Variants in CSGALNACT1 observed in about 807,000 individuals in gnomAD.
The protein encoded by CSGALNACT1 is beta4GalNAcT-1.
A neutral mutation model predicts 51.0 loss-of-function variants in CSGALNACT1; 52 were observed. The ratio of observed to expected loss-of-function variants is 1.02; its 90% CI spans 0.82 to 1.29. The LOEUF (loss-of-function observed/expected upper bound fraction) is 1.29. Among genes scored for constraint, CSGALNACT1 ranks in the 50% most tolerant of loss-of-function variants. The pLI is 0.00. For synonymous variants in CSGALNACT1, 341 were observed against 254.4 expected (o/e 1.34, Z -3.24); for missense variants, 935 against 679.2 (o/e 1.38, Z -4.19).
chr8:19,691,646 C>G (rs1484387901), intron 1 of CSGALNACT1, among the ~76,000 whole-genome samples: 1 of 152,170 alleles, frequency 6.6e-6, no homozygotes, highest in Non-Finnish European at 1.5e-5. Flanking sequence ...ACAGCTGACC[C>G]AAGCCATGAC....
intron 4 of CSGALNACT1, among the ~76,000 whole-genome samples, chr8:19,468,225 A>T (rs112656365): frequency 0.012 from 1,781 of 152,272 alleles, 16 homozygotes; most frequent in Non-Finnish European, 0.019. Context: ...CAAGACAACA[A>T]CATCAGAGCG....
At chr8:19,496,825 G>T (rs533142409) in intron 4 of CSGALNACT1, among the ~76,000 whole-genome samples, 1 of 152,300 alleles carries the variant, frequency 6.6e-6, no homozygotes, top group African/African-American at 2.4e-5. Context: ...GTGGTTCCAA[G>T]AAGTGGAGCT....
intron 3 of CSGALNACT1, among the ~76,000 whole-genome samples, chr8:19,584,328 T>C (rs1235776395): frequency 6.6e-6 from 1 of 152,210 alleles, no homozygotes; most frequent in Non-Finnish European, 1.5e-5. Context: ...CCAGTTAATA[T>C]TACTCATACT....
At chr8:19,591,689 T>C (rs2047853038) in intron 2 of CSGALNACT1, among the ~76,000 whole-genome samples, 1 of 152,082 alleles carries the variant, frequency 6.6e-6, no homozygotes, top group Non-Finnish European at 1.5e-5. Flanking sequence ...TTTGGGAGGC[T>C]GAGGCAGGAG....
At chr8:19,497,927 G>C (rs1380355852) in intron 4 of CSGALNACT1, among the ~76,000 whole-genome samples, 2 of 152,132 alleles carry the variant, frequency 1.3e-5, no homozygotes, top group South Asian at 2.1e-4. Flanking sequence ...CCCGCTTTGA[G>C]TCTTACCACC....
At chr8:19,723,331 A>G (rs1194578552) in intron 1 of CSGALNACT1, among the ~76,000 whole-genome samples, 1 of 152,258 alleles carries the variant, frequency 6.6e-6, no homozygotes, top group Non-Finnish European at 1.5e-5. Flanking sequence ...AGTGGGCCGT[A>G]ATAGAAACCC....
At chr8:19,575,123 C>G (rs112852813) in intron 3 of CSGALNACT1, among the ~76,000 whole-genome samples, 128 of 152,276 alleles carry the variant, frequency 8.4e-4, no homozygotes, top group African/African-American at 2.9e-3. Context: ...TCTGCCAACT[C>G]ACACAGTTAT....
chr8:19,631,169 G>C (rs1162330455), intron 1 of CSGALNACT1, among the ~76,000 whole-genome samples: 1 of 152,120 alleles, frequency 6.6e-6, no homozygotes, highest in African/African-American at 2.4e-5. Flanking sequence ...AGCATTTCAT[G>C]AGATTTTTGT....
At chr8:19,485,975 A>G (rs750282999) in intron 4 of CSGALNACT1, among the ~76,000 whole-genome samples, 1 of 151,732 alleles carries the variant, frequency 6.6e-6, no homozygotes, top group South Asian at 2.1e-4. Context: ...CATGTTGATC[A>G]TGCTGGTCTC....
At chr8:19,689,038 A>G (rs2061139109) in intron 1 of CSGALNACT1, 1 of 152,220 alleles carries the variant, frequency 6.6e-6, no homozygotes, top group Admixed American at 6.5e-5. Flanking sequence ...GTAAATGTTA[A>G]TGAGAGGCTT....
intron 2 of CSGALNACT1, among the ~76,000 whole-genome samples, chr8:19,598,947 G>T (rs973604950): frequency 6.6e-6 from 1 of 152,156 alleles, no homozygotes; most frequent in Non-Finnish European, 1.5e-5. Flanking sequence ...CCTCAAGCTA[G>T]AGTACAGGAA....
intron 1 of CSGALNACT1, among the ~76,000 whole-genome samples, chr8:19,647,352 G>C (rs1296627055): frequency 6.6e-6 from 1 of 152,180 alleles, no homozygotes; most frequent in African/African-American, 2.4e-5. Flanking sequence ...AGGAGTTCAA[G>C]GATGTATTGA....
intron 1 of CSGALNACT1, among the ~76,000 whole-genome samples, chr8:19,742,900 G>A (rs530222948): frequency 4.6e-5 from 7 of 152,320 alleles, no homozygotes; most frequent in African/African-American, 1.7e-4. Context: ...GCAACCACGT[G>A]AACTCTGAGA....
At chr8:19,502,757 C>A (rs1259216962) in intron 4 of CSGALNACT1, among the ~76,000 whole-genome samples, 1 of 152,194 alleles carries the variant, frequency 6.6e-6, no homozygotes, top group African/African-American at 2.4e-5. Flanking sequence ...TTACAGAACA[C>A]AAATCTCAAA....
At chr8:19,455,008 C>T (rs997107179) in intron 5 of CSGALNACT1, among the ~76,000 whole-genome samples, 2 of 152,124 alleles carry the variant, frequency 1.3e-5, no homozygotes, top group Non-Finnish European at 2.9e-5. Flanking sequence ...TCATGTTGCA[C>T]TGACTTATTC....
At chr8:19,730,064 C>A (rs1378197841) in intron 1 of CSGALNACT1, among the ~76,000 whole-genome samples, 1 of 152,170 alleles carries the variant, frequency 6.6e-6, no homozygotes, top group Non-Finnish European at 1.5e-5. Flanking sequence ...GAGACCTTTA[C>A]AATCTTACTG....
intron 1 of CSGALNACT1, among the ~76,000 whole-genome samples, chr8:19,619,194 G>A (rs1186715070): frequency 1.4e-5 from 2 of 147,328 alleles, no homozygotes; most frequent in African/African-American, 5.0e-5. Context: ...GGGCAGGTAG[G>A]AGTGCAGGTG....
intron 4 of CSGALNACT1, among the ~76,000 whole-genome samples, chr8:19,458,855 T>C (rs1309772732): frequency 6.6e-6 from 1 of 152,140 alleles, no homozygotes; most frequent in African/African-American, 2.4e-5. Flanking sequence ...GAAGACTGCA[T>C]AAAAACATGG....
In CSGALNACT1 at chr8:19,559,051, A is replaced by T. The variant is rs192352227; in HGVS notation, c.-297+32109T>A. ...CAAAGCAACTGTGGCTTTCACAACAAAAAAGCTTAATTTTTATTCCTCAGG... is the reference window on the plus strand; with the variant it reads ...CAAAGCAACTGTGGCTTTCACAACATAAAAGCTTAATTTTTATTCCTCAGG... On this transcript the variant is annotated intron_variant, in intron 3 of 9. Coordinates refer to ENST00000454498, the Ensembl canonical transcript of CSGALNACT1. Among the ~76,000 whole-genome samples, 231 of 152,298 alleles carry T rather than the reference A, an allele frequency of 1.5e-3. 1 individual carries two copies. Among genetic ancestry groups the T allele is most frequent in the Middle Eastern group, 6.8e-3 (2 of 294 alleles).
Sources: gnomAD v4.1 joint callset for allele counts (sites outside exome capture counted in the v4.1 genomes callset) on GRCh38, gnomAD v4.1.1 for gene constraint, MANE v1.5 for transcripts, NCBI Gene and HGNC (gene_info 2026-07-23, HGNC 2026-07-21) for gene names.